The following ENPP6 variants were observed in gnomAD, a reference collection of about 807,000 sequenced individuals.
ENPP6 encodes ectonucleotide pyrophosphatase/phosphodiesterase 6, also known as glycerophosphocholine cholinephosphodiesterase ENPP6.
In ENPP6, 32 loss-of-function variants were observed where a neutral mutation model predicts 42.0. The observed-to-expected ratio is 0.76, with a 90% CI of 0.58 to 1.02. The LOEUF (loss-of-function observed/expected upper bound fraction) is 1.02. Among genes scored for constraint, ENPP6 ranks in the 50% least tolerant of loss-of-function variants. The probability of loss-of-function intolerance (pLI) is 0.00; values close to 1 mark genes in which losing one functional copy is unlikely to be tolerated. For synonymous variants in ENPP6, 213 were observed against 216.0 expected (o/e 0.99, Z 0.12); for missense variants, 552 against 566.8 (o/e 0.97, Z 0.27).
intron 2 of ENPP6, among the ~76,000 whole-genome samples, chr4:184,143,147 C>G (rs1245542891): frequency 6.6e-6 from 1 of 152,234 alleles, no homozygotes; most frequent in Non-Finnish European, 1.5e-5. Flanking sequence ...ATTTGGATCA[C>G]AGCAGACTGA....
At chr4:184,191,397 T>C (rs1732711114) in intron 1 of ENPP6, among the ~76,000 whole-genome samples, 1 of 152,230 alleles carries the variant, frequency 6.6e-6, no homozygotes, top group African/African-American at 2.4e-5. Context: ...TTGGGAAATG[T>C]ACGTTCTGCT....
At chr4:184,201,735 A>AC (rs1338736012) in intron 1 of ENPP6, among the ~76,000 whole-genome samples, 2 of 123,694 alleles carry the variant, frequency 1.6e-5, no homozygotes, top group East Asian at 6.7e-4. Flanking sequence ...TTCTTAGAAC[A>AC]CATTTTTTTT....
At chr4:184,092,739 T>TA (rs1169349488) in intron 7 of ENPP6, among the ~76,000 whole-genome samples, 1 of 152,236 alleles carries the variant, frequency 6.6e-6, no homozygotes, top group African/African-American at 2.4e-5. Context: ...AAGCCATTGA[T>TA]AAAGGCCTGT....
intron 2 of ENPP6, among the ~76,000 whole-genome samples, chr4:184,132,475 G>A (rs1001885124): frequency 2.0e-5 from 3 of 151,912 alleles, no homozygotes; most frequent in Non-Finnish European, 2.9e-5. Context: ...CTCATACTTT[G>A]TAATTATTTT....
chr4:184,154,567 T>C (rs1241966151), intron 1 of ENPP6, among the ~76,000 whole-genome samples: 1 of 152,202 alleles, frequency 6.6e-6, no homozygotes, highest in Non-Finnish European at 1.5e-5. Flanking sequence ...CTTTTCTTCT[T>C]TGTTTTACTG....
rs1048742094 is a variant in ENPP6 at position 184,089,219 on chromosome 4, A to G, written c.*1958T>C. The G allele has an allele frequency of 1.3e-5, 2 of 152,214 alleles. No individual in the cohort carries two copies. Among genetic ancestry groups the G allele is most frequent in the African/African-American group, 4.8e-5 (2 of 41,448 alleles). The allele number at this position is 152,214 out of a possible 1,614,324, so 9.4% of individuals were successfully genotyped here. ...TGGTTTACTGGCGCTTTTAAAACAC[A>G]TTACATAAATCTTTAGAAATCTTTT... On this transcript the variant is annotated 3_prime_UTR_variant, in exon 8 of 8. Transcript: ENST00000296741.
At chr4:184,099,806 T>C (rs1198331109) in intron 6 of ENPP6, among the ~76,000 whole-genome samples, 2 of 152,266 alleles carry the variant, frequency 1.3e-5, no homozygotes, top group African/African-American at 2.4e-5. Flanking sequence ...TCCATGGTGA[T>C]GATCACAACA....
chr4:184,117,365 A>G (rs1016444515), intron 4 of ENPP6, among the ~76,000 whole-genome samples: 30 of 152,258 alleles, frequency 2.0e-4, no homozygotes, highest in African/African-American at 6.8e-4. Flanking sequence ...ACAGATGTAC[A>G]GGATAAAGCA....
At chr4:184,119,229 T>C (rs1453661665) in intron 3 of ENPP6, among the ~76,000 whole-genome samples, 4 of 152,158 alleles carry the variant, frequency 2.6e-5, no homozygotes, top group East Asian at 1.9e-4. Flanking sequence ...TCTAACATTA[T>C]GGTTTGATTA....
chr4:184,214,397 G>A (rs1263161143), intron 1 of ENPP6, among the ~76,000 whole-genome samples: 2 of 152,170 alleles, frequency 1.3e-5, no homozygotes, highest in Non-Finnish European at 2.9e-5. Flanking sequence ...GGCAGCAACT[G>A]GGCTAGATGG....
At chr4:184,131,415 G>C (rs1213619872) in intron 2 of ENPP6, among the ~76,000 whole-genome samples, 2 of 149,968 alleles carry the variant, frequency 1.3e-5, no homozygotes, top group African/African-American at 4.9e-5. Flanking sequence ...GTGCAGTGGA[G>C]TGATCTTAGC....
In ENPP6 at chr4:184,106,906, C is replaced by T. The variant is rs146305700; in HGVS notation, c.993+5766G>A. On this transcript the variant is annotated intron_variant, in intron 6 of 7. Transcript: ENST00000296741. ...CGATTGCTGAGGCACACGGCCTTCA[C>T]GGTCGGGGATGGAAGAGCGTGCTTG... 3.5e-3 allele frequency among the ~76,000 whole-genome samples: 536 copies of T among 152,340 alleles called. 4 individuals are homozygous for T. The highest frequency in any genetic ancestry group is 0.012 in the African/African-American group (507 of 41,578).
At chr4:184,182,310 G>C (rs374771857) in intron 1 of ENPP6, among the ~76,000 whole-genome samples, 6 of 152,244 alleles carry the variant, frequency 3.9e-5, no homozygotes, top group Admixed American at 3.9e-4. Context: ...ACCACAATGA[G>C]ATACCATCTC....
intron 1 of ENPP6, among the ~76,000 whole-genome samples, chr4:184,198,821 T>C (rs1028781888): frequency 1.3e-5 from 2 of 152,216 alleles, no homozygotes; most frequent in Admixed American, 6.5e-5. Context: ...TTCAAAAACA[T>C]AGGCAACAAG....
intron 3 of ENPP6, 55 bp downstream of exon 3, chr4:184,124,106 G>C (rs1286111234): frequency 1.5e-6 from 2 of 1,371,608 alleles, no homozygotes; most frequent in Non-Finnish European, 2.1e-6. Context: ...TAGGATCCAT[G>C]ATCAGTCCTG....
intron 7 of ENPP6, among the ~76,000 whole-genome samples, chr4:184,095,672 C>A (rs202187356): frequency 2.8e-5 from 4 of 140,492 alleles, no homozygotes; most frequent in Admixed American, 6.9e-5. Flanking sequence ...AAAAATATAT[C>A]TATATATATA....
At chr4:184,147,619 A>G (rs1736949854) in intron 2 of ENPP6, among the ~76,000 whole-genome samples, 1 of 151,704 alleles carries the variant, frequency 6.6e-6, no homozygotes, top group Non-Finnish European at 1.5e-5. Flanking sequence ...GCCACCCCCG[A>G]CCCCATGCCC....
intron 7 of ENPP6, among the ~76,000 whole-genome samples, chr4:184,094,420 A>G (rs908349711): frequency 2.6e-5 from 4 of 152,268 alleles, no homozygotes; most frequent in Admixed American, 6.5e-5. Context: ...AGCATAAAGG[A>G]GGATTGAGAT....
In ENPP6 at chr4:184,216,051, A is replaced by G. The variant is rs571989860; in HGVS notation, c.241+1528T>C. The stretch of plus-strand genomic sequence containing the variant: ...AGATGGATTTTGTTCATTTTCCACT[A>G]AGATTGCAGAAGCTGCACGTGGCGT... On this transcript the variant is annotated intron_variant, in intron 1 of 7. Coordinates refer to ENST00000296741, the MANE Select transcript of ENPP6 (RefSeq NM_153343.4). 7.2e-4 allele frequency among the ~76,000 whole-genome samples: 109 copies of G among 152,340 alleles called. 1 individual carries two copies. The highest frequency in any genetic ancestry group is 2.5e-3 in the African/African-American group (102 of 41,576).
Sources: allele counts gnomAD v4.1 joint callset (sites outside exome capture counted in the v4.1 genomes callset), GRCh38; gene constraint gnomAD v4.1.1; transcripts MANE v1.5; gene names NCBI Gene and HGNC (gene_info 2026-07-23, HGNC 2026-07-21).